The following TOP2B variants were observed in gnomAD, a reference collection of about 807,000 sequenced individuals.
TOP2B encodes the protein DNA topoisomerase II beta.
TOP2B carries 51 observed loss-of-function variants against 193.5 expected under a neutral mutation model. The ratio of observed to expected loss-of-function variants is 0.26; its 90% CI spans 0.21 to 0.33. The LOEUF is 0.33. TOP2B is among the 10% of genes least tolerant of loss of function. The probability of loss-of-function intolerance (pLI) is 1.00; values close to 1 mark genes in which losing one functional copy is unlikely to be tolerated. For synonymous variants in TOP2B, 634 were observed against 635.7 expected (o/e 1.00, Z 0.04); for missense variants, 1,378 against 1,909.3 (o/e 0.72, Z 5.19).
chr3:25,609,718 T>C lies in TOP2B; in HGVS notation c.3787-6A>G, dbSNP rs1389897971. 2.1e-6 allele frequency: 3 copies of C among 1,433,040 alleles called. No homozygotes were observed. Among genetic ancestry groups the C allele is most frequent in the Non-Finnish European group, 2.7e-6 (3 of 1,094,286 alleles). The allele number at this position is 1,433,040 out of a possible 1,614,324, so 88.8% of individuals were successfully genotyped here. A position where few individuals can be genotyped will look rare whatever the true frequency, so the allele number is the denominator to read the frequency against. ...GCTGCAGTATCAAGATCACCCTACA[T>C]AATAAAAAGAAAATCAAGCCACGAG... On this transcript the variant is annotated splice_region_variant and splice_polypyrimidine_tract_variant and intron_variant, in intron 28 of 35. Transcript: ENST00000264331.
intron 2 of TOP2B, 117 bp downstream of exon 2, chr3:25,645,183 T>C (rs1703381166): frequency 1.0e-6 from 1 of 966,268 alleles, no homozygotes; most frequent in Admixed American, 2.4e-5. Flanking sequence ...CTACTTTGAC[T>C]ATGACAGATG....
chr3:25,639,837 G>C (rs908315819), intron 4 of TOP2B, among the ~76,000 whole-genome samples: 2 of 152,102 alleles, frequency 1.3e-5, no homozygotes, highest in African/African-American at 4.8e-5. Context: ...GAATACTATG[G>C]AGGAAAAGAA....
chr3:25,627,246 C>T lies in TOP2B; in HGVS notation c.1957G>A (p.Glu653Lys). Reference protein sequence around the residue: ...KEAKEYFADMERHRILFRYAG... With the variant: ...KEAKEYFADMKRHRILFRYAG... The stretch of plus-strand genomic sequence containing the variant: ...TATCTAAACAAGATGCGATGCCTTT[C>T]CATATCAGCAAAATATTCCTTTGCT... Residue 653 changes from glutamate (E) to lysine (K), a missense_variant, in exon 16 of 36, where the codon GAA (glutamate) becomes AAA (lysine). This residue lies in a region of TOP2B where 379 missense variants were observed against 615.1 expected (regional missense o/e 0.62). Transcript: ENST00000264331. The T allele has an allele frequency of 6.2e-7, 1 of 1,610,082 alleles. No individual in the cohort carries two copies. Among genetic ancestry groups the T allele is most frequent in the South Asian group, 1.1e-5 (1 of 90,524 alleles).
Position 25,664,364 on chromosome 3 carries a change from G to T in TOP2B, c.-67C>A, listed in dbSNP as rs1575592943. 7.2e-7 allele frequency: 1 copy of T among 1,384,558 alleles called. No individual in the cohort carries two copies. The highest frequency in any genetic ancestry group is 1.6e-5 in the South Asian group (1 of 60,638). The allele number at this position is 1,384,558 out of a possible 1,614,324, so 85.8% of individuals were successfully genotyped here. ...CGCTCCCGCCTCCCTGCGGGCCGCTGGGCCCCGCCGCTCCGCACCCACCGC... is the reference window on the plus strand; with the variant it reads ...CGCTCCCGCCTCCCTGCGGGCCGCTTGGCCCCGCCGCTCCGCACCCACCGC... On this transcript the variant is annotated 5_prime_UTR_variant, in exon 1 of 36. Transcript: ENST00000264331.
chr3:25,599,600 G>C (rs1702035244), intron 34 of TOP2B, 71 bp from the exon 35 acceptor site: 4 of 1,412,658 alleles, frequency 2.8e-6, no homozygotes, highest in Non-Finnish European at 3.9e-6. Context: ...CCACAACATT[G>C]TAGTTTATTT....
At chr3:25,629,882 C>A in intron 13 of TOP2B, 147 bp downstream of exon 13, 1 of 827,960 alleles carries the variant, frequency 1.2e-6, no homozygotes, top group South Asian at 2.4e-5. Flanking sequence ...AATGTTTCCA[C>A]TAAATGACGT....
chr3:25,657,858 G>C (rs56768937), intron 1 of TOP2B, among the ~76,000 whole-genome samples: 25,770 of 149,564 alleles, frequency 0.17, 3,064 homozygotes, highest in African/African-American at 0.36. Context: ...TCAGGAGATC[G>C]AGACCATCCC....
intron 28 of TOP2B, among the ~76,000 whole-genome samples, chr3:25,610,556 T>C (rs1468532498): frequency 1.3e-5 from 2 of 152,172 alleles, no homozygotes. Flanking sequence ...GTTTAAAGAA[T>C]TAGGTTTTTA....
chr3:25,646,420 T>C (rs1703417623), intron 1 of TOP2B, among the ~76,000 whole-genome samples: 1 of 152,190 alleles, frequency 6.6e-6, no homozygotes, highest in African/African-American at 2.4e-5. Context: ...GTGATCTTAA[T>C]TCTAAACATT....
chr3:25,602,060 A>ATATTAACTG (rs1702108568), intron 33 of TOP2B, among the ~76,000 whole-genome samples: 2 of 152,180 alleles, frequency 1.3e-5, no homozygotes, highest in Admixed American at 1.3e-4. Context: ...ATTTTGAAAA[A>ATATTAACTG]TAGACCTTGT....
Position 25,633,807 on chromosome 3 carries a change from C to T in TOP2B, c.1026+34G>A, listed in dbSNP as rs376971644. On this transcript the variant is annotated intron_variant, in intron 8 of 35. Coordinates refer to ENST00000264331, the MANE Select transcript of TOP2B (RefSeq NM_001330700.2). ...AGTTTTTATTGAAGTACTGTTCTAC[C>T]ACTGACTTGGAAACAAATAATTTGC... 11 of 1,565,164 alleles carry T rather than the reference C, an allele frequency of 7.0e-6. No individual in the cohort carries two copies. In the South Asian group the frequency reaches 9.6e-5, roughly 14 times the overall value.
rs1704038084 is a variant in TOP2B at position 25,664,678 on chromosome 3, C to T, written c.-381G>A. ...GGGCGGCCGGGGAGCCCGAGGCGCT[C>T]GGACGTGGCGAGGACGCAGAGGTGC... On this transcript the variant is annotated 5_prime_UTR_variant, in exon 1 of 36. Coordinates refer to ENST00000264331, the MANE Select transcript of TOP2B (RefSeq NM_001330700.2). 7.1e-6 allele frequency: 7 copies of T among 984,834 alleles called. No homozygotes were observed. The highest frequency in any genetic ancestry group is 4.7e-5 in the South Asian group (1 of 21,288). The allele number at this position is 984,834 out of a possible 1,614,324, so 61.0% of individuals were successfully genotyped here. A position where few individuals can be genotyped will look rare whatever the true frequency, so the allele number is the denominator to read the frequency against.
At position 25,664,793 on chromosome 3, in the gene TOP2B, G is replaced by GCCT; in HGVS notation, c.-499_-497dup. 1 of 986,986 alleles carries GCCT rather than the reference G, an allele frequency of 1.0e-6. No homozygotes were observed. Among genetic ancestry groups the GCCT allele is most frequent in the South Asian group, 4.6e-5 (1 of 21,908 alleles). 61.1% of individuals were successfully genotyped at this position (986,986 alleles called of 1,614,324 possible). On this transcript the variant is annotated 5_prime_UTR_variant, in exon 1 of 36. Transcript: ENST00000264331. ...CGCCGCTGCTTCAAAGGCAGCCTTA[G>GCCT]CCTCGCTGCAGCCCCGATTTCCTCA...
chr3:25,657,913 T>C (rs1447241381), intron 1 of TOP2B, among the ~76,000 whole-genome samples: 20 of 146,402 alleles, frequency 1.4e-4, no homozygotes, highest in African/African-American at 5.3e-4. Context: ...TACAAAAAAT[T>C]AGCCGGGCGT....
In TOP2B at chr3:25,620,662, G is replaced by A. The variant is rs752064222; in HGVS notation, c.2862+20C>T. On this transcript the variant is annotated intron_variant, in intron 22 of 35. Coordinates refer to ENST00000264331, the MANE Select transcript of TOP2B (RefSeq NM_001330700.2). ...TAATACACTGCCCTTCCCTCAGGCA[G>A]ATCACATATTTACACTGACCTGTGT... The A allele has an allele frequency of 6.2e-7, 1 of 1,606,110 alleles. No individual in the cohort carries two copies.
At position 25,598,242 on chromosome 3, in the gene TOP2B, G is replaced by GAGAC. The variant is rs562719688; in HGVS notation, c.*61_*64dup. Reference sequence around the variant, plus strand: ...AAATAAGCCAGATGTACAAAAGTCTGAGACAGAGAAGACAAAAGGACAACA... The same window carrying GAGAC: ...AAATAAGCCAGATGTACAAAAGTCTGAGACAGACAGAGAAGACAAAAGGACAACA... On this transcript the variant is annotated 3_prime_UTR_variant, in exon 36 of 36. Coordinates refer to ENST00000264331, the MANE Select transcript of TOP2B (RefSeq NM_001330700.2). The GAGAC allele has an allele frequency of 2.0e-3, 2,980 of 1,496,712 alleles. 6 individuals carry two copies. Among genetic ancestry groups the GAGAC allele is most frequent in the Non-Finnish European group, 2.5e-3 (2,790 of 1,108,802 alleles). 92.7% of individuals were successfully genotyped at this position (1,496,712 alleles called of 1,614,324 possible).
At chr3:25,634,622 T>G (rs1703049614) in intron 7 of TOP2B, among the ~76,000 whole-genome samples, 1 of 151,910 alleles carries the variant, frequency 6.6e-6, no homozygotes, top group African/African-American at 2.4e-5. Flanking sequence ...GTTCATTCAT[T>G]CATACTCTTG....
chr3:25,645,303 C>T lies in TOP2B; in HGVS notation c.237G>A (p.Thr79=), dbSNP rs770464510. 12 of 1,541,524 alleles carry T rather than the reference C, an allele frequency of 7.8e-6. No individual in the cohort carries two copies. The highest frequency in any genetic ancestry group is 3.9e-5 in the Admixed American group (2 of 51,816). ...DTYIGSVEPL[T]QFMWVYDEDV... is the part of the protein sequence containing the mutation. ...AATCAATTTTAGCAATAATTACCTG[C>T]GTCAATGGCTCCACTGACCCAATAT... The change falls in exon 2 of 36, where the codon ACG becomes ACA. Residue 79 remains threonine (T), a synonymous_variant. Coordinates refer to ENST00000264331, the MANE Select transcript of TOP2B (RefSeq NM_001330700.2).
At chr3:25,613,779 T>C (rs1702439002) in intron 27 of TOP2B, among the ~76,000 whole-genome samples, 1 of 151,914 alleles carries the variant, frequency 6.6e-6, no homozygotes, top group Non-Finnish European at 1.5e-5. Context: ...CACCATGTGC[T>C]AGGCATTTAA....
Sources: allele counts gnomAD v4.1 joint callset (sites outside exome capture counted in the v4.1 genomes callset), GRCh38; gene constraint gnomAD v4.1.1; regional missense constraint gnomAD v4.1.1; transcripts MANE v1.5; gene names NCBI Gene and HGNC (gene_info 2026-07-23, HGNC 2026-07-21).